Variants in PML observed in about 807,000 individuals in gnomAD.
The protein encoded by PML is PML nuclear body scaffold.
In PML, 28 loss-of-function variants were observed where a neutral mutation model predicts 65.2. The observed-to-expected ratio is 0.43, with a 90% CI of 0.32 to 0.59. PML has a LOEUF of 0.59. Among genes scored for constraint, PML ranks in the 20% least tolerant of loss-of-function variants. PML has a pLI of 0.08. For missense variants in PML, 1,021 were observed against 1,203.4 expected, an observed-to-expected ratio of 0.85 and a Z score of 2.24; for synonymous variants, 500 against 508.8, an observed-to-expected ratio of 0.98 and a Z score of 0.23.
At chr15:74,036,102 T>C in intron 7 of PML, 2 of 1,613,392 alleles carry the variant, frequency 1.2e-6, no homozygotes, top group Non-Finnish European at 8.5e-7. Flanking sequence ...TGGCTATGCA[T>C]GGACCTCTGG....
chr15:74,035,190 A>T lies in PML; in HGVS notation c.1710+660A>T. The T allele has an allele frequency of 6.6e-6, 9 of 1,372,700 alleles. No homozygotes were observed. Among genetic ancestry groups the T allele is most frequent in the Non-Finnish European group, 9.4e-6 (9 of 961,326 alleles). 85.0% of individuals were successfully genotyped at this position (1,372,700 alleles called of 1,614,324 possible). On this transcript the variant is annotated intron_variant, in intron 7 of 8. Coordinates refer to ENST00000268058, the MANE Select transcript of PML (RefSeq NM_033238.3). The surrounding 1 kb of genome is among the most constrained non-coding windows in gnomAD (Gnocchi z 4.1). ...TGGAAAGTGCATGGAGCCCATGGAG[A>T]CCGCCGAGCCACAGTCCTCGCCAGC...
At chr15:74,008,654 G>T (rs1215506097) in intron 2 of PML, among the ~76,000 whole-genome samples, 1 of 151,970 alleles carries the variant, frequency 6.6e-6, no homozygotes, top group Admixed American at 6.6e-5. Flanking sequence ...CGGGAGAATG[G>T]CGTGAACCCA....
chr15:74,033,703 A>C (rs956979318), intron 6 of PML: 2 of 621,654 alleles, frequency 3.2e-6, no homozygotes, highest in Admixed American at 4.9e-5. Flanking sequence ...AGGTCTCCAC[A>C]AGAAGTTTGT....
intron 2 of PML, among the ~76,000 whole-genome samples, chr15:74,006,889 AC>A (rs1217515129): frequency 6.6e-6 from 1 of 152,136 alleles, no homozygotes; most frequent in African/African-American, 2.4e-5. Context: ...CCTTTAAATA[AC>A]CAGCTCTCCC....
chr15:74,007,364 G>A (rs548431710), intron 2 of PML, among the ~76,000 whole-genome samples: 196 of 152,322 alleles, frequency 1.3e-3, no homozygotes, highest in Middle Eastern at 3.4e-3. Context: ...ACAATGGGCA[G>A]GGAAGGTTCA....
intron 1 of PML, among the ~76,000 whole-genome samples, chr15:73,997,486 A>G (rs193197549): frequency 2.9e-4 from 44 of 152,248 alleles, no homozygotes; most frequent in Non-Finnish European, 4.4e-4. Flanking sequence ...TTATCTATTC[A>G]TCTGTTGATG....
chr15:74,042,884 T>G lies in PML; in HGVS notation c.1711-105T>G. ...CCCTTTCCCAGTGGTACACCCTCCTTCATGTGCACGCAGATGCTCCCAGCT... is the reference window on the plus strand; with the variant it reads ...CCCTTTCCCAGTGGTACACCCTCCTGCATGTGCACGCAGATGCTCCCAGCT... On this transcript the variant is annotated intron_variant, in intron 7 of 8. Coordinates refer to ENST00000268058, the MANE Select transcript of PML (RefSeq NM_033238.3). The surrounding 1 kb of genome is among the most constrained non-coding windows in gnomAD (Gnocchi z 5.3). 6.2e-7 allele frequency: 1 copy of G among 1,600,464 alleles called. No homozygotes were observed. Among genetic ancestry groups the G allele is most frequent in the South Asian group, 1.1e-5 (1 of 89,792 alleles).
chr15:74,004,316 T>C (rs1449276535), intron 2 of PML, among the ~76,000 whole-genome samples: 1 of 152,094 alleles, frequency 6.6e-6, no homozygotes, highest in Non-Finnish European at 1.5e-5. Flanking sequence ...TATTTGTTTG[T>C]TTAGAGATAA....
chr15:74,025,242 T>C, intron 4 of PML: 1 of 421,578 alleles, frequency 2.4e-6, no homozygotes, highest in Non-Finnish European at 4.5e-6. Flanking sequence ...CAGCATTAGA[T>C]GGCATATTAG....
intron 2 of PML, among the ~76,000 whole-genome samples, chr15:74,010,752 G>A (rs1278661809): frequency 1.3e-5 from 2 of 152,116 alleles, no homozygotes; most frequent in Non-Finnish European, 2.9e-5. Context: ...TTGCATGTGT[G>A]TGCAGACTTG....
intron 2 of PML, among the ~76,000 whole-genome samples, chr15:74,021,495 G>T (rs2070833687): frequency 6.6e-6 from 1 of 152,070 alleles, no homozygotes; most frequent in African/African-American, 2.4e-5. Context: ...TGAGGCAGGA[G>T]AATTGCTTGA....
intron 2 of PML, among the ~76,000 whole-genome samples, chr15:74,015,679 C>T (rs1359354414): frequency 6.6e-6 from 1 of 152,214 alleles, no homozygotes; most frequent in African/African-American, 2.4e-5. Flanking sequence ...ATGTCCTGTG[C>T]CATGTGTAAT....
At position 74,043,731 on chromosome 15, in the gene PML, A is replaced by G; in HGVS notation, c.1862-490A>G. 1 of 529,234 alleles carries G rather than the reference A, an allele frequency of 1.9e-6. No homozygotes were observed. Among genetic ancestry groups the G allele is most frequent in the South Asian group, 1.4e-5 (1 of 71,680 alleles). 32.8% of individuals were successfully genotyped at this position (529,234 alleles called of 1,614,324 possible). A position where few individuals can be genotyped will look rare whatever the true frequency, so the allele number is the denominator to read the frequency against. ...CCAGACAGAAACAGCAAGTGTTTTC[A>G]TGGTACAGAAAAGTCATTTGCAGAC... On this transcript the variant is annotated intron_variant, in intron 8 of 8. Coordinates refer to ENST00000268058, the MANE Select transcript of PML (RefSeq NM_033238.3). The surrounding 1 kb of genome is among the most constrained non-coding windows in gnomAD (Gnocchi z 4.3).
At position 74,043,076 on chromosome 15, in the gene PML, C is replaced by A. The variant is rs758989714; in HGVS notation, c.1798C>A (p.Leu600Ile). ...PSTLRVLDENLADPQAEDRPL... is the reference protein window; with the variant it reads ...PSTLRVLDENIADPQAEDRPL... ...CACCCTCAGGGTCCTGGACGAGAAC[C>A]TTGCTGACCCCCAAGCAGAAGACAG... The change falls in exon 8 of 9, where the codon CTT becomes ATT. Residue 600 changes from leucine to isoleucine, a missense_variant. Leu to Ile is a conservative substitution (Grantham distance 5). Transcript: ENST00000268058. This position sits in a 1 kb window ranked among gnomAD's most constrained non-coding sequence, Gnocchi z 4.3. 2 of 1,613,456 alleles carry A rather than the reference C, an allele frequency of 1.2e-6. No homozygotes were observed. Among genetic ancestry groups the A allele is most frequent in the South Asian group, 1.1e-5 (1 of 91,030 alleles).
intron 4 of PML, chr15:74,025,283 C>G: frequency 2.8e-6 from 1 of 357,512 alleles, no homozygotes. Flanking sequence ...CTATGGTTGT[C>G]AGATGTATGG....
At position 74,035,654 on chromosome 15, in the gene PML, C is replaced by A; in HGVS notation, c.1710+1124C>A. The A allele has an allele frequency of 1.2e-6, 2 of 1,614,058 alleles. No homozygotes were observed. The highest frequency in any genetic ancestry group is 1.7e-6 in the Non-Finnish European group (2 of 1,180,018). ...ACCGGATACGAGGGGCTGTGCGATC[C>A]CGCAGCCGCTCCCTCCGGGGCTCCT... On this transcript the variant is annotated intron_variant, in intron 7 of 8. Coordinates refer to ENST00000268058, the MANE Select transcript of PML (RefSeq NM_033238.3). This position sits in a 1 kb window ranked among gnomAD's most constrained non-coding sequence, Gnocchi z 4.1.
intron 4 of PML, chr15:74,027,991 C>G (rs1444194797): frequency 1.3e-5 from 2 of 152,158 alleles, no homozygotes; most frequent in Non-Finnish European, 2.9e-5. Flanking sequence ...GCATCTAGCT[C>G]CAGCACTCAT....
chr15:73,994,861 C>A lies in PML; in HGVS notation c.49C>A (p.Arg17=), dbSNP rs751354376. Reference sequence around the variant, plus strand: ...TCCGAGGCCCCAGCAGGACCCCGCCCGGCCCCAGGAGCCCACCATGCCTCC... The same window carrying A: ...TCCGAGGCCCCAGCAGGACCCCGCCAGGCCCCAGGAGCCCACCATGCCTCC... ...RSPRPQQDPA[R]PQEPTMPPPE... The change falls in exon 1 of 9, where the codon CGG becomes AGG. Residue 17 remains arginine (R), a synonymous_variant. Transcript: ENST00000268058. The A allele has an allele frequency of 6.4e-7, 1 of 1,559,210 alleles. No homozygotes were observed. Among genetic ancestry groups the A allele is most frequent in the East Asian group, 2.4e-5 (1 of 41,816 alleles).
Position 74,044,796 on chromosome 15 carries a change from C to G in PML, c.2437C>G (p.Arg813Gly), listed in dbSNP as rs1037329656. ...VSFMELLSAH[R>G]RDRQGGLKKY... ...CTTCATGGAGCTGCTGAGTGCACACCGCCGTGACCGGCAGGGGGGCCTGAA... is the reference window on the plus strand; with the variant it reads ...CTTCATGGAGCTGCTGAGTGCACACGGCCGTGACCGGCAGGGGGGCCTGAA... The change falls in exon 9 of 9, where the codon CGC becomes GGC. Residue 813 changes from arginine to glycine, a missense_variant. Transcript: ENST00000268058. 6.2e-7 allele frequency: 1 copy of G among 1,613,048 alleles called. No individual in the cohort carries two copies. The highest frequency in any genetic ancestry group is 8.5e-7 in the Non-Finnish European group (1 of 1,180,034).
Sources: allele counts gnomAD v4.1 joint callset (sites outside exome capture counted in the v4.1 genomes callset), GRCh38; gene constraint gnomAD v4.1.1; non-coding constraint Gnocchi (gnomAD v3.1); transcripts MANE v1.5; gene names NCBI Gene and HGNC (gene_info 2026-07-23, HGNC 2026-07-21).